MMP26: variants seen among roughly 807,000 people sequenced by gnomAD.
The protein encoded by MMP26 is matrix metalloproteinase-26.
Under a neutral mutation model 31.0 loss-of-function variants are expected in MMP26, and 33 were observed. The observed-to-expected ratio is 1.06, with a 90% CI of 0.81 to 1.42. The LOEUF is 1.42. MMP26 is among the 40% of genes most tolerant of loss of function. The pLI is 0.00. For synonymous variants in MMP26, 122 were observed against 114.9 expected, an observed-to-expected ratio of 1.06 and a Z score of -0.40; for missense variants, 347 against 316.1, an observed-to-expected ratio of 1.10 and a Z score of -0.74.
rs1846904201 is a variant in MMP26 at position 4,986,936 on chromosome 11, T to TCTCC, written c.-144-1129_-144-1128insCCTC. On this transcript the variant is annotated intron_variant, in intron 2 of 7. Coordinates refer to ENST00000380390, the MANE Select transcript of MMP26 (RefSeq NM_021801.5). ...CTCTCTCTCTCTCTCTCTCTCCCTC[T>TCTCC]CTCTCTCTCTCTCTCTCTCTCTCCC... Among the ~76,000 whole-genome samples the TCTCC allele has an allele frequency of 4.8e-4, 54 of 113,160 alleles. 2 individuals are homozygous for TCTCC. The highest frequency in any genetic ancestry group is 2.0e-3 in the East Asian group (5 of 2,512). 74.2% of individuals were successfully genotyped at this position (113,160 alleles called of 152,430 possible).
chr11:4,965,274 T>A (rs537543303), intron 2 of MMP26, among the ~76,000 whole-genome samples: 188 of 152,126 alleles, frequency 1.2e-3, no homozygotes, highest in Non-Finnish European at 2.3e-3. Context: ...AAAGATCACA[T>A]CCTAGCAAGC....
intron 2 of MMP26, among the ~76,000 whole-genome samples, chr11:4,916,723 G>A (rs1400903167): frequency 1.3e-5 from 2 of 152,148 alleles, no homozygotes; most frequent in African/African-American, 4.8e-5. Context: ...GATGACCTGT[G>A]AAGCTATTTC....
chr11:4,822,376 C>T (rs1369276064), intron 2 of MMP26: 1 of 1,461,632 alleles, frequency 6.8e-7, no homozygotes, highest in East Asian at 2.4e-5. Context: ...ATCTAATCAT[C>T]AGCTATTTCT....
intron 2 of MMP26, among the ~76,000 whole-genome samples, chr11:4,879,324 T>C (rs1458448851): frequency 6.6e-6 from 1 of 152,134 alleles, no homozygotes; most frequent in Non-Finnish European, 1.5e-5. Context: ...GATTCCAGTC[T>C]AAATGAAGCT....
At chr11:4,944,021 A>C in intron 2 of MMP26, 1 of 426,426 alleles carries the variant, frequency 2.3e-6, no homozygotes, top group South Asian at 1.7e-5. Context: ...ACACTGGGAG[A>C]ATATGAGCTT....
At chr11:4,796,938 C>A (rs1849115740) in intron 2 of MMP26, among the ~76,000 whole-genome samples, 1 of 151,976 alleles carries the variant, frequency 6.6e-6, no homozygotes, top group Non-Finnish European at 1.5e-5. Context: ...GCACTTCGGG[C>A]TCCTGTACTC....
intron 2 of MMP26, among the ~76,000 whole-genome samples, chr11:4,839,177 G>A (rs1849761222): frequency 6.6e-6 from 1 of 152,136 alleles, no homozygotes; most frequent in East Asian, 1.9e-4. Flanking sequence ...ACTGATCCCA[G>A]CAGTCAAAAC....
intron 2 of MMP26, chr11:4,830,056 C>A (rs1180918899): frequency 4.6e-5 from 7 of 152,154 alleles, no homozygotes; most frequent in Non-Finnish European, 1.0e-4. Flanking sequence ...AAACAAAAGT[C>A]ATTGTTCCCA....
At chr11:4,872,028 C>G (rs1184942379) in intron 2 of MMP26, among the ~76,000 whole-genome samples, 1 of 152,038 alleles carries the variant, frequency 6.6e-6, no homozygotes, top group Non-Finnish European at 1.5e-5. Flanking sequence ...GTTTTGGGAT[C>G]TGGTACAAGT....
At chr11:4,871,231 A>G (rs575112749) in intron 2 of MMP26, among the ~76,000 whole-genome samples, 4 of 152,102 alleles carry the variant, frequency 2.6e-5, no homozygotes, top group Non-Finnish European at 5.9e-5. Context: ...GTGAAAAAGA[A>G]CATTCACTGA....
intron 2 of MMP26, among the ~76,000 whole-genome samples, chr11:4,901,456 G>T (rs972106725): frequency 6.6e-6 from 1 of 151,946 alleles, no homozygotes; most frequent in African/African-American, 2.4e-5. Flanking sequence ...CACCATGCCC[G>T]GCCCCCTCTT....
chr11:4,834,035 A>G (rs1564790569), intron 2 of MMP26, among the ~76,000 whole-genome samples: 1 of 152,154 alleles, frequency 6.6e-6, no homozygotes, highest in Non-Finnish European at 1.5e-5. Context: ...ACTAAAAAAA[A>G]TAGTCTAAAG....
chr11:4,849,817 C>T (rs141515640), intron 2 of MMP26, among the ~76,000 whole-genome samples: 3,692 of 152,046 alleles, frequency 0.024, 86 homozygotes, highest in Non-Finnish European at 0.035. Flanking sequence ...TTTGCTGTGT[C>T]CCTATGATTT....
At chr11:4,815,442 T>C (rs1849407759) in intron 2 of MMP26, among the ~76,000 whole-genome samples, 1 of 152,212 alleles carries the variant, frequency 6.6e-6, no homozygotes, top group Non-Finnish European at 1.5e-5. Context: ...AGCTAACTTT[T>C]ATAGGAATAA....
intron 2 of MMP26, among the ~76,000 whole-genome samples, chr11:4,976,200 A>T (rs1846733894): frequency 6.6e-6 from 1 of 152,084 alleles, no homozygotes; most frequent in South Asian, 2.1e-4. Context: ...AATGCAAAAA[A>T]GTTGAAGTAA....
intron 1 of MMP26, among the ~76,000 whole-genome samples, chr11:4,753,817 C>T (rs750822508): frequency 1.1e-4 from 17 of 152,014 alleles, no homozygotes; most frequent in Non-Finnish European, 2.5e-4. Context: ...TGTTTCAGTT[C>T]CTATGAACCT....
intron 2 of MMP26, among the ~76,000 whole-genome samples, chr11:4,841,011 G>A (rs528700222): frequency 2.6e-5 from 4 of 152,250 alleles, no homozygotes; most frequent in South Asian, 4.2e-4. Context: ...TGAAAAATGC[G>A]ATTGGCATAC....
In MMP26 at chr11:4,951,608, C is replaced by A. The variant is rs1267239801; in HGVS notation, c.-144-36460C>A. ...TTATGTTGTTTGTTCCTGTCTGATA[C>A]CATTTCTCCAAACTTTCTGGAAAGA... On this transcript the variant is annotated intron_variant, in intron 2 of 7. Transcript: ENST00000380390. 3.2e-5 allele frequency among the ~76,000 whole-genome samples: 4 copies of A among 123,824 alleles called. 1 individual carries two copies. The highest frequency in any genetic ancestry group is 1.1e-4 in the African/African-American group (4 of 36,532). The allele number at this position is 123,824 out of a possible 152,430, so 81.2% of individuals were successfully genotyped here.
chr11:4,822,810 C>T (rs17328191), intron 2 of MMP26, among the ~76,000 whole-genome samples: 56,742 of 151,892 alleles, frequency 0.37, 12,765 homozygotes, highest in South Asian at 0.56. Context: ...TAGGGTGGAT[C>T]CTAAAATACA....
Sources: allele counts gnomAD v4.1 joint callset (sites outside exome capture counted in the v4.1 genomes callset), GRCh38; gene constraint gnomAD v4.1.1; transcripts MANE v1.5; gene names NCBI Gene and HGNC (gene_info 2026-07-23, HGNC 2026-07-21).